The following ADGRL2 variants were observed in gnomAD, a reference collection of about 807,000 sequenced individuals.
ADGRL2 encodes adhesion G protein-coupled receptor L2.
A neutral mutation model predicts 157.4 loss-of-function variants in ADGRL2; 44 were observed. The observed-to-expected ratio is 0.28, with a 90% CI of 0.22 to 0.36. The LOEUF is 0.36. ADGRL2 is among the 10% of genes least tolerant of loss of function. The pLI, the probability that ADGRL2 is intolerant of heterozygous loss-of-function variation, is 1.00. For missense variants in ADGRL2, 1,510 were observed against 1,768.9 expected, an observed-to-expected ratio of 0.85 and a Z score of 2.63; for synonymous variants, 585 against 624.7, an observed-to-expected ratio of 0.94 and a Z score of 0.95.
rs199656325 is a variant in ADGRL2, at chr1:81,971,834, C to A, written c.2955-18C>A. 10 of 1,504,950 alleles carry A rather than the reference C, an allele frequency of 6.6e-6. No homozygotes were observed. The highest frequency in any genetic ancestry group is 9.2e-6 in the Non-Finnish European group (10 of 1,083,386). The allele number at this position is 1,504,950 out of a possible 1,614,324, so 93.2% of individuals were successfully genotyped here. On this transcript the variant is annotated intron_variant, in intron 16 of 23. Coordinates refer to ENST00000686636, the MANE Select transcript of ADGRL2 (RefSeq NM_001366006.2). ...TCCATAGAAACTACTAATGCATATT[C>A]TTCTCTTTTCATAATAGTTGCTGGC...
At chr1:81,885,860 G>C (rs762116177) in intron 2 of ADGRL2, among the ~76,000 whole-genome samples, 3 of 152,112 alleles carry the variant, frequency 2.0e-5, no homozygotes, top group Non-Finnish European at 4.4e-5. Context: ...GTTTATGTGT[G>C]CACTGAAATA....
intron 1 of ADGRL2, among the ~76,000 whole-genome samples, chr1:81,352,844 G>A (rs77450707): frequency 0.11 from 17,472 of 152,044 alleles, 1,585 homozygotes; most frequent in African/African-American, 0.25. Context: ...TTGAGTAGTA[G>A]AGTCAGTTAA....
At chr1:81,820,597 C>G (rs1371159727) in intron 1 of ADGRL2, among the ~76,000 whole-genome samples, 2 of 150,946 alleles carry the variant, frequency 1.3e-5, no homozygotes, top group African/African-American at 4.9e-5. Flanking sequence ...TCAAGATTTT[C>G]TATTTTTTAA....
At chr1:81,749,811 T>TA (rs1310942231) in intron 1 of ADGRL2, among the ~76,000 whole-genome samples, 3 of 152,152 alleles carry the variant, frequency 2.0e-5, no homozygotes, top group Non-Finnish European at 2.9e-5. Flanking sequence ...GTATGGGAAT[T>TA]AGAGTAAAAT....
At chr1:81,678,455 A>G (rs1334212383) in intron 3 of ADGRL2, among the ~76,000 whole-genome samples, 1 of 152,226 alleles carries the variant, frequency 6.6e-6, no homozygotes, top group Non-Finnish European at 1.5e-5. Flanking sequence ...ACCTTTCTGA[A>G]TCACTTATGT....
intron 1 of ADGRL2, among the ~76,000 whole-genome samples, chr1:81,760,814 G>C (rs1467257429): frequency 6.7e-6 from 1 of 149,932 alleles, no homozygotes; most frequent in Non-Finnish European, 1.5e-5. Context: ...AAGTATTTCT[G>C]TGTTTAAATT....
chr1:81,581,762 A>C (rs2080914712), intron 3 of ADGRL2, among the ~76,000 whole-genome samples: 1 of 152,140 alleles, frequency 6.6e-6, no homozygotes, highest in Admixed American at 6.6e-5. Flanking sequence ...TGCTAGTTGC[A>C]TGTAGGTTTA....
At chr1:81,689,957 AGACTCT>A (rs1309733293) in intron 3 of ADGRL2, among the ~76,000 whole-genome samples, 2 of 152,160 alleles carry the variant, frequency 1.3e-5, no homozygotes, top group African/African-American at 4.8e-5. Flanking sequence ...TCTGGAACTC[AGACTCT>A]GTTACTATTT....
intron 1 of ADGRL2, among the ~76,000 whole-genome samples, chr1:81,725,918 G>C (rs555379509): frequency 6.6e-6 from 1 of 152,268 alleles, no homozygotes; most frequent in East Asian, 1.9e-4. Context: ...GGGAGGCGGA[G>C]GTTGCAGTGA....
chr1:81,662,682 G>A (rs1184977910), intron 3 of ADGRL2, among the ~76,000 whole-genome samples: 1 of 151,694 alleles, frequency 6.6e-6, no homozygotes, highest in Non-Finnish European at 1.5e-5. Context: ...AGCCTCCTGA[G>A]TAGGTGGGAT....
rs1182802375 is a variant in ADGRL2, at chr1:81,491,361, TG to T, written c.-248+46275del. On this transcript the variant is annotated intron_variant, in intron 2 of 24. Transcript: ENST00000370721. Reference sequence around the variant, plus strand: ...GTGAGATTCTCTATACATCCCAATCTGGGTAATGCTCACATGGGTGTGTTCT... The same window carrying T: ...GTGAGATTCTCTATACATCCCAATCTGGTAATGCTCACATGGGTGTGTTCT... Among the ~76,000 whole-genome samples, 3 of 152,256 alleles carry T rather than the reference TG, an allele frequency of 2.0e-5. No individual in the cohort carries two copies. In the East Asian group the frequency reaches 5.8e-4, roughly 29 times the overall value.
chr1:81,876,556 T>C (rs1213305484), intron 2 of ADGRL2, among the ~76,000 whole-genome samples: 1 of 151,372 alleles, frequency 6.6e-6, no homozygotes, highest in Non-Finnish European at 1.5e-5. Flanking sequence ...GAGGTTTTCA[T>C]GTATTAACAA....
At chr1:81,330,088 G>A (rs1661172061) in intron 1 of ADGRL2, among the ~76,000 whole-genome samples, 1 of 152,060 alleles carries the variant, frequency 6.6e-6, no homozygotes, top group Admixed American at 6.6e-5. Flanking sequence ...TTTCTAGCTG[G>A]TATTTGCCAT....
chr1:81,784,727 CAAA>C (rs375897514), intron 2 of ADGRL2, among the ~76,000 whole-genome samples: 2 of 110,268 alleles, frequency 1.8e-5, no homozygotes, highest in Non-Finnish European at 3.7e-5. Flanking sequence ...GACCCCGTCT[CAAA>C]AAAAAAAAAA....
At chr1:81,339,967 C>T (rs932955454) in intron 1 of ADGRL2, among the ~76,000 whole-genome samples, 23 of 152,132 alleles carry the variant, frequency 1.5e-4, no homozygotes, top group African/African-American at 5.3e-4. Flanking sequence ...ATTATGTTTA[C>T]CTGTATCTCT....
At chr1:81,729,639 C>A (rs1391701343) in intron 1 of ADGRL2, among the ~76,000 whole-genome samples, 1 of 152,050 alleles carries the variant, frequency 6.6e-6, no homozygotes, top group Non-Finnish European at 1.5e-5. Flanking sequence ...CATTGCAATT[C>A]AAGTCTATTA....
At chr1:81,781,501 C>CA (rs2086811248) in intron 2 of ADGRL2, among the ~76,000 whole-genome samples, 1 of 152,100 alleles carries the variant, frequency 6.6e-6, no homozygotes, top group Non-Finnish European at 1.5e-5. Flanking sequence ...AAAGGAGTTT[C>CA]AAAAATGCAG....
At chr1:81,963,979 A>T (rs1214089612) in intron 11 of ADGRL2, among the ~76,000 whole-genome samples, 1 of 151,280 alleles carries the variant, frequency 6.6e-6, no homozygotes, top group Non-Finnish European at 1.5e-5. Context: ...TTTCTAGGAA[A>T]GTTTCTATTG....
intron 3 of ADGRL2, among the ~76,000 whole-genome samples, chr1:81,599,759 C>T (rs1466197164): frequency 1.3e-5 from 2 of 152,080 alleles, no homozygotes; most frequent in African/African-American, 2.4e-5. Context: ...GATGAGAAAA[C>T]CGAGGCTCAT....
Sources: allele counts gnomAD v4.1 joint callset (sites outside exome capture counted in the v4.1 genomes callset), GRCh38; gene constraint gnomAD v4.1.1; transcripts MANE v1.5; gene names NCBI Gene and HGNC (gene_info 2026-07-23, HGNC 2026-07-21).